SPRY3: variants seen among roughly 807,000 people sequenced by gnomAD.
SPRY3 encodes the protein protein sprouty homolog 3.
In SPRY3, 15 loss-of-function variants were observed where a neutral mutation model predicts 20.2. The observed-to-expected ratio is 0.74, with a 90% CI of 0.50 to 1.14. SPRY3 has a LOEUF of 1.14. Ranked by LOEUF, SPRY3 falls within the 50% of genes most tolerant of loss-of-function variation. SPRY3 has a pLI of 0.00. For synonymous variants in SPRY3, 143 were observed against 136.5 expected, an observed-to-expected ratio of 1.05 and a Z score of -0.33; for missense variants, 364 against 363.9, an observed-to-expected ratio of 1.00 and a Z score of 0.00.
At chrX:155,632,219 C>CCACACACACA (rs55865452) in intron 1 of SPRY3, among the ~76,000 whole-genome samples, 22,797 of 98,223 alleles carry the variant, frequency 0.23, 2,460 homozygotes, top group East Asian at 0.67. Flanking sequence ...TCCACAGCCA[C>CCACACACACA]CACACACACA....
chrX:155,760,761 T>C (rs937666194), intron 2 of SPRY3, among the ~76,000 whole-genome samples: 1 of 152,086 alleles, frequency 6.6e-6, no homozygotes, highest in Non-Finnish European at 1.5e-5. Flanking sequence ...GAAAATCTAA[T>C]GCCACTGCTG....
intron 1 of SPRY3, among the ~76,000 whole-genome samples, chrX:155,627,245 AC>A (rs782222089): frequency 4.5e-5 from 5 of 111,162 alleles, no homozygotes; most frequent in Admixed American, 9.6e-5. Flanking sequence ...GTAACCAACC[AC>A]CCTGCCCTCT....
intron 1 of SPRY3, among the ~76,000 whole-genome samples, chrX:155,645,787 C>A (rs1372206150): frequency 8.9e-6 from 1 of 111,967 alleles, no homozygotes; most frequent in Non-Finnish European, 1.9e-5. Flanking sequence ...GGCAAGTACT[C>A]TGAGTGCTCA....
At chrX:155,642,682 A>G (rs2067945894) in intron 1 of SPRY3, among the ~76,000 whole-genome samples, 1 of 111,521 alleles carries the variant, frequency 9.0e-6, no homozygotes, top group African/African-American at 3.3e-5. Context: ...TGTTTCCATT[A>G]TCATTTGTTT....
exon 4 of SPRY3, chrX:155,774,746 A>G (rs772114184): frequency 1.2e-6 from 2 of 1,603,748 alleles, no homozygotes; most frequent in Admixed American, 1.7e-5. Flanking sequence ...TGACCTTCCA[A>G]CAAGGTGGAT....
chrX:155,684,915 A>T (rs901160972), intron 2 of SPRY3, among the ~76,000 whole-genome samples: 7 of 111,784 alleles, frequency 6.3e-5, no homozygotes, highest in Admixed American at 5.7e-4. Context: ...TCATTTTGGT[A>T]CTTGAAAAAT....
chrX:155,768,531 G>C (rs1327539853), intron 3 of SPRY3, among the ~76,000 whole-genome samples: 1 of 152,152 alleles, frequency 6.6e-6, no homozygotes, highest in African/African-American at 2.4e-5. Context: ...GCTGCCCAGC[G>C]GGCATCCTGT....
At chrX:155,678,080 G>T (rs769949530) in intron 2 of SPRY3, among the ~76,000 whole-genome samples, 1 of 111,189 alleles carries the variant, frequency 9.0e-6, no homozygotes, top group African/African-American at 3.3e-5. Context: ...GTTTGAAAAA[G>T]ACATAGCTAT....
chrX:155,735,632 G>A (rs73641132), intron 2 of SPRY3, among the ~76,000 whole-genome samples: 6,228 of 152,010 alleles, frequency 0.041, 42 homozygotes, highest in African/African-American at 0.14. Context: ...AGCTATTCAA[G>A]CTTTCTTTTG....
chrX:155,653,596 A>G (rs2067983532), intron 1 of SPRY3, among the ~76,000 whole-genome samples: 1 of 111,682 alleles, frequency 9.0e-6, no homozygotes, highest in African/African-American at 3.2e-5. Context: ...CATTTCAGTG[A>G]TTTATAGATG....
chrX:155,765,986 A>C (rs935321137), intron 2 of SPRY3, among the ~76,000 whole-genome samples: 4 of 152,234 alleles, frequency 2.6e-5, no homozygotes, highest in African/African-American at 4.8e-5. Flanking sequence ...AGTGCTTGAC[A>C]CATAGTTAAT....
At chrX:155,645,027 C>T (rs1041329813) in intron 1 of SPRY3, among the ~76,000 whole-genome samples, 5 of 111,267 alleles carry the variant, frequency 4.5e-5, no homozygotes, top group African/African-American at 1.6e-4. Flanking sequence ...TATTCAGGAC[C>T]CAAGGGCTCT....
chrX:155,705,666 A>G (rs191793328), intron 2 of SPRY3, among the ~76,000 whole-genome samples: 8 of 151,510 alleles, frequency 5.3e-5, no homozygotes, highest in African/African-American at 1.7e-4. Flanking sequence ...AAAAGAGTGG[A>G]GAAATACATA....
intron 2 of SPRY3, among the ~76,000 whole-genome samples, chrX:155,660,499 T>A (rs1603125260): frequency 8.9e-6 from 1 of 111,870 alleles, no homozygotes; most frequent in East Asian, 2.8e-4. Flanking sequence ...TATACTGCTG[T>A]TGTTAGGTGG....
intron 2 of SPRY3, among the ~76,000 whole-genome samples, chrX:155,714,364 A>T (rs1307523382): frequency 6.6e-6 from 1 of 152,064 alleles, no homozygotes; most frequent in African/African-American, 2.4e-5. Context: ...CTTTCCAGGT[A>T]TTCAAAGGGA....
At chrX:155,775,070 T>G (rs2091415444) in exon 4 of SPRY3, 1 of 401,154 alleles carries the variant, frequency 2.5e-6, no homozygotes, top group Non-Finnish European at 4.6e-6. Flanking sequence ...CTCCCCAATG[T>G]AATACCTCTC....
At chrX:155,630,506 G>T (rs1340888066) in intron 1 of SPRY3, among the ~76,000 whole-genome samples, 1 of 111,632 alleles carries the variant, frequency 9.0e-6, no homozygotes, top group Admixed American at 9.5e-5. Context: ...AGTATTATTG[G>T]TTGACAGTGG....
chrX:155,774,414 C>T, exon 4 of SPRY3: 2 of 1,614,030 alleles, frequency 1.2e-6, no homozygotes, highest in Non-Finnish European at 1.7e-6. Flanking sequence ...CTGAGAGCCT[C>T]CTCGATTATG....
rs1487008337 is a variant in SPRY3, at chrX:155,775,005, G to A, written c.*267G>A. The A allele has an allele frequency of 5.9e-5, 33 of 559,852 alleles. No homozygotes were observed. In the Admixed American group the frequency reaches 1.1e-3, roughly 19 times the overall value. The allele number at this position is 559,852 out of a possible 1,614,324, so 34.7% of individuals were successfully genotyped here. ...CATGGCAAATTCAGGTGATATATGG[G>A]TATGAGGTTTGAACACTGAGGACTG... On this transcript the variant is annotated 3_prime_UTR_variant, in exon 4 of 4. Transcript: ENST00000675360.
Sources: gnomAD v4.1 joint callset for allele counts (sites outside exome capture counted in the v4.1 genomes callset) on GRCh38, gnomAD v4.1.1 for gene constraint, MANE v1.5 for transcripts, NCBI Gene and HGNC (gene_info 2026-07-23, HGNC 2026-07-21) for gene names.